Variants in DPYS observed in about 807,000 individuals in gnomAD.
DPYS encodes dihydropyrimidinase.
Under a neutral mutation model 50.3 loss-of-function variants are expected in DPYS, and 39 were observed. The ratio of observed to expected loss-of-function variants is 0.78; its 90% confidence interval spans 0.60 to 1.01. DPYS has a LOEUF of 1.01. Ranked by LOEUF, DPYS falls within the 50% of genes least tolerant of loss-of-function variation. The pLI is 0.00. For missense variants in DPYS, 659 were observed against 680.9 expected (o/e 0.97, Z 0.36); for synonymous variants, 245 against 250.7 (o/e 0.98, Z 0.22).
At chr8:104,431,913 A>G (rs1812969862) in intron 4 of DPYS, among the ~76,000 whole-genome samples, 2 of 152,184 alleles carry the variant, frequency 1.3e-5, no homozygotes, top group Non-Finnish European at 2.9e-5. Context: ...CTTGGGAAAG[A>G]GCATGTATTT....
chr8:104,412,661 G>T (rs891790878), intron 7 of DPYS, among the ~76,000 whole-genome samples: 11 of 152,286 alleles, frequency 7.2e-5, no homozygotes, highest in Middle Eastern at 3.4e-3. Context: ...CTTTGTTTCT[G>T]TGGCTCTGGT....
chr8:104,409,844 G>A (rs564946672), intron 7 of DPYS, among the ~76,000 whole-genome samples: 1 of 152,222 alleles, frequency 6.6e-6, no homozygotes, highest in Admixed American at 6.5e-5. Context: ...GAGCCTCGAA[G>A]AGGGGAGTAA....
intron 3 of DPYS, among the ~76,000 whole-genome samples, chr8:104,445,768 G>T (rs781544305): frequency 3.3e-5 from 5 of 152,180 alleles, no homozygotes; most frequent in Non-Finnish European, 7.3e-5. Context: ...CCTTTTGGCC[G>T]GGCGCGGTGG....
At chr8:104,461,942 C>A (rs563510822) in intron 1 of DPYS, among the ~76,000 whole-genome samples, 2 of 152,092 alleles carry the variant, frequency 1.3e-5, no homozygotes, top group Non-Finnish European at 2.9e-5. Context: ...AATGTTTACA[C>A]GTTCCCCCAA....
intron 7 of DPYS, among the ~76,000 whole-genome samples, chr8:104,417,605 A>C (rs1452207153): frequency 6.8e-6 from 1 of 147,172 alleles, no homozygotes; most frequent in Non-Finnish European, 1.5e-5. Context: ...CAAGTAGTGA[A>C]GCAGTAGGAC....
intron 1 of DPYS, among the ~76,000 whole-genome samples, chr8:104,454,795 G>A (rs531680730): frequency 1.3e-5 from 2 of 152,292 alleles, no homozygotes; most frequent in East Asian, 3.9e-4. Flanking sequence ...TCAGAGGAGA[G>A]AAAGATCAAC....
intron 7 of DPYS, chr8:104,419,929 A>T (rs927238031): frequency 6.6e-6 from 1 of 152,272 alleles, no homozygotes. Flanking sequence ...AGTGTACCAT[A>T]CTAATGTAAG....
intron 6 of DPYS, among the ~76,000 whole-genome samples, chr8:104,425,592 G>A (rs1455512138): frequency 6.6e-6 from 1 of 151,878 alleles, no homozygotes; most frequent in Non-Finnish European, 1.5e-5. Context: ...CAAAGTGTTA[G>A]GATTACAGGC....
chr8:104,456,137 C>T lies in DPYS; in HGVS notation c.265-4733G>A, dbSNP rs867865209. ...AGTAACTACTGAACAGGTTTGTAGC[C>T]GAGGAGCCACAGGCCATAGCATATA... On this transcript the variant is annotated intron_variant, in intron 1 of 9. Coordinates refer to ENST00000351513, the MANE Select transcript of DPYS (RefSeq NM_001385.3). Among the ~76,000 whole-genome samples, 7 of 152,076 alleles carry T rather than the reference C, an allele frequency of 4.6e-5. 2 individuals are homozygous for T. In the Middle Eastern group the frequency reaches 0.01, roughly 222 times the overall value.
intron 4 of DPYS, among the ~76,000 whole-genome samples, chr8:104,430,011 G>C (rs1333554733): frequency 6.6e-6 from 1 of 152,120 alleles, no homozygotes; most frequent in African/African-American, 2.4e-5. Flanking sequence ...AACCCTACCA[G>C]ATAAATGCTA....
Position 104,379,784 on chromosome 8 carries a change from T to G in DPYS, c.*74A>C. 1 of 456,664 alleles carries G rather than the reference T, an allele frequency of 2.2e-6. No individual in the cohort carries two copies. Among genetic ancestry groups the G allele is most frequent in the Non-Finnish European group, 4.4e-6 (1 of 226,966 alleles). The allele number at this position is 456,664 out of a possible 1,614,324, so 28.3% of individuals were successfully genotyped here. A position where few individuals can be genotyped will look rare whatever the true frequency, so the allele number is the denominator to read the frequency against. On this transcript the variant is annotated 3_prime_UTR_variant, in exon 10 of 10. Transcript: ENST00000351513. The stretch of plus-strand genomic sequence containing the variant: ...GAGTTGAATAAGGCCTGCTTCTCCA[T>G]GGGTTGACAATGTTTGGCTGTGAAG...
chr8:104,440,118 A>G (rs1415107085), intron 4 of DPYS, among the ~76,000 whole-genome samples: 1 of 152,212 alleles, frequency 6.6e-6, no homozygotes, highest in Non-Finnish European at 1.5e-5. Flanking sequence ...AAATAAGATA[A>G]AAGAGATTAA....
rs145412948 is a variant in DPYS, at chr8:104,405,845, A to G, written c.1236-12854T>C. ...CATGCTGGAGGGGGTGGAGGGGAGCAGCGCCCAGGAGGGCATGATGAGCTG... is the reference window on the plus strand; with the variant it reads ...CATGCTGGAGGGGGTGGAGGGGAGCGGCGCCCAGGAGGGCATGATGAGCTG... On this transcript the variant is annotated intron_variant, in intron 7 of 9. Transcript: ENST00000351513. 2.0e-3 allele frequency among the ~76,000 whole-genome samples: 298 copies of G among 152,346 alleles called. 1 individual carries two copies. Among genetic ancestry groups the G allele is most frequent in the African/African-American group, 5.3e-3 (219 of 41,588 alleles).
intron 7 of DPYS, among the ~76,000 whole-genome samples, chr8:104,407,295 T>C (rs1464217905): frequency 6.6e-6 from 1 of 152,198 alleles, no homozygotes; most frequent in Non-Finnish European, 1.5e-5. Context: ...CTATAAGTGA[T>C]CCATCCAGAA....
intron 7 of DPYS, among the ~76,000 whole-genome samples, chr8:104,418,417 C>A (rs908715780): frequency 2.0e-5 from 3 of 152,000 alleles, no homozygotes; most frequent in African/African-American, 2.4e-5. Flanking sequence ...AAAAGGGAGG[C>A]CTTCATTGCA....
At chr8:104,463,850 A>G (rs986288546) in intron 1 of DPYS, among the ~76,000 whole-genome samples, 1 of 152,226 alleles carries the variant, frequency 6.6e-6, no homozygotes, top group Admixed American at 6.5e-5. Flanking sequence ...AAAGAAGACA[A>G]AATAACTCTA....
At chr8:104,446,605 A>G (rs1363143161) in intron 3 of DPYS, among the ~76,000 whole-genome samples, 2 of 152,326 alleles carry the variant, frequency 1.3e-5, no homozygotes, top group South Asian at 2.1e-4. Flanking sequence ...GTCCAATTTA[A>G]ACCCTGGTCT....
chr8:104,416,156 G>A (rs536555888), intron 7 of DPYS, among the ~76,000 whole-genome samples: 1 of 152,242 alleles, frequency 6.6e-6, no homozygotes, highest in South Asian at 2.1e-4. Flanking sequence ...TATCACCAAA[G>A]CCTTTCTCTT....
intron 7 of DPYS, among the ~76,000 whole-genome samples, chr8:104,414,036 A>T (rs1412265245): frequency 6.6e-6 from 1 of 152,214 alleles, no homozygotes; most frequent in East Asian, 1.9e-4. Flanking sequence ...TTGAATGAAT[A>T]AATGAAAGGA....
Sources: gnomAD v4.1 joint callset for allele counts (sites outside exome capture counted in the v4.1 genomes callset) on GRCh38, gnomAD v4.1.1 for gene constraint, MANE v1.5 for transcripts, NCBI Gene and HGNC (gene_info 2026-07-23, HGNC 2026-07-21) for gene names.